Variants in DNAH14 observed in about 807,000 individuals in gnomAD.
DNAH14 encodes axonemal beta dynein heavy chain 14.
DNAH14 carries 478 observed loss-of-function variants against 520.9 expected under a neutral mutation model. The ratio of observed to expected loss-of-function variants is 0.92; its 90% confidence interval spans 0.85 to 0.99. The LOEUF is 0.99. Ranked by LOEUF, DNAH14 falls within the 50% of genes least tolerant of loss-of-function variation. DNAH14 has a pLI of 0.00. For missense variants in DNAH14, 4,831 were observed against 5,234.5 expected (o/e 0.92, Z 2.38); for synonymous variants, 1,581 against 1,757.2 (o/e 0.90, Z 2.51).
intron 36 of DNAH14, among the ~76,000 whole-genome samples, chr1:225,174,354 T>G (rs1364904691): frequency 1.3e-5 from 2 of 152,202 alleles, no homozygotes; most frequent in African/African-American, 2.4e-5. Flanking sequence ...CTGTTTACTT[T>G]CTTTAATAAG....
intron 36 of DNAH14, among the ~76,000 whole-genome samples, chr1:225,169,499 G>C (rs1312000097): frequency 6.6e-6 from 1 of 152,170 alleles, no homozygotes; most frequent in Admixed American, 6.5e-5. Flanking sequence ...TGTGACGCAT[G>C]CACAAGCTTC....
chr1:225,019,209 T>A, intron 10 of DNAH14, among the ~76,000 whole-genome samples: 2 of 149,892 alleles, frequency 1.3e-5, no homozygotes, highest in African/African-American at 4.9e-5. Context: ...AGACTCAAAG[T>A]AAAGGGTTAG....
chr1:225,334,881 T>C (rs1193134923), intron 66 of DNAH14, among the ~76,000 whole-genome samples: 5 of 91,052 alleles, frequency 5.5e-5, no homozygotes, highest in Non-Finnish European at 4.3e-5. Context: ...TCTCTACATA[T>C]ATATGTGTGT....
At chr1:225,130,481 A>G (rs904261703) in intron 27 of DNAH14, among the ~76,000 whole-genome samples, 4 of 152,220 alleles carry the variant, frequency 2.6e-5, no homozygotes, top group South Asian at 2.1e-4. Flanking sequence ...ATGGAATACT[A>G]TGCAGGCATA....
At chr1:225,250,805 T>C in intron 43 of DNAH14, 1 of 444,818 alleles carries the variant, frequency 2.2e-6, no homozygotes, top group Non-Finnish European at 4.2e-6. Flanking sequence ...CAAGTTCTGC[T>C]GAACAGGGCT....
chr1:225,138,900 C>A (rs1417826184), intron 27 of DNAH14, among the ~76,000 whole-genome samples: 1 of 152,132 alleles, frequency 6.6e-6, no homozygotes, highest in Admixed American at 6.6e-5. Flanking sequence ...AATTCACTTG[C>A]CCCTTTTAAT....
rs1395001307 is a variant in DNAH14, at chr1:225,123,575, A to G, written c.4215A>G (p.Gln1405=). The G allele has an allele frequency of 2.3e-6, 1 of 437,678 alleles. No homozygotes were observed. Among genetic ancestry groups the G allele is most frequent in the Non-Finnish European group, 4.8e-6 (1 of 209,372 alleles). 27.1% of individuals were successfully genotyped at this position (437,678 alleles called of 1,614,324 possible). Residue 1405 remains glutamine, a synonymous_variant, in exon 27 of 86, where the codon CAA becomes CAG. Transcript: ENST00000682510. ...ACTGGAACTGCCAGATGTTTTCCCA[A>G]TGGGTGTTATCTCATCCAGGACAAG... is the stretch of plus-strand genomic sequence containing the variant. ...IEDWNCQMFS[Q]WVLSHPGQVV... is the part of the protein sequence containing the mutation.
intron 38 of DNAH14, among the ~76,000 whole-genome samples, chr1:225,203,895 C>G (rs565834833): frequency 6.6e-6 from 1 of 152,098 alleles, no homozygotes; most frequent in African/African-American, 2.4e-5. Context: ...ATTCAAAGAA[C>G]TTTTGCTTTC....
intron 21 of DNAH14, among the ~76,000 whole-genome samples, chr1:225,094,818 C>CAA (rs140729760): frequency 0.053 from 4,789 of 91,024 alleles, 154 homozygotes; most frequent in Non-Finnish European, 0.099. Flanking sequence ...CATTTACAGG[C>CAA]AAAAAAAAAA....
intron 21 of DNAH14, among the ~76,000 whole-genome samples, chr1:225,093,482 T>C (rs115271645): frequency 0.033 from 5,006 of 152,222 alleles, 302 homozygotes; most frequent in African/African-American, 0.11. Context: ...GGAACATACT[T>C]CAAAATGATA....
intron 43 of DNAH14, chr1:225,250,698 G>T (rs1327055377): frequency 3.6e-6 from 2 of 551,768 alleles, no homozygotes. Context: ...CGGAGAAAGG[G>T]GAACTGTGGG....
chr1:225,130,780 C>T (rs1047054041), intron 27 of DNAH14, among the ~76,000 whole-genome samples: 1 of 150,192 alleles, frequency 6.7e-6, no homozygotes, highest in African/African-American at 2.4e-5. Flanking sequence ...TGTAACTAAC[C>T]TGCACATTGT....
At chr1:225,054,014 T>C (rs2148335123) in intron 17 of DNAH14, among the ~76,000 whole-genome samples, 1 of 152,180 alleles carries the variant, frequency 6.6e-6, no homozygotes, top group East Asian at 1.9e-4. Flanking sequence ...GGAGAATCAC[T>C]GAGAATCTGT....
At chr1:225,354,364 T>C (rs1460563918) in intron 73 of DNAH14, 2 of 654,246 alleles carry the variant, frequency 3.1e-6, no homozygotes, top group Non-Finnish European at 5.6e-6. Flanking sequence ...TTATTATTAA[T>C]AAAAGGATAT....
At chr1:225,155,400 A>G (rs1249230162) in intron 34 of DNAH14, among the ~76,000 whole-genome samples, 1 of 152,026 alleles carries the variant, frequency 6.6e-6, no homozygotes, top group Admixed American at 6.6e-5. Context: ...ATAATTATTT[A>G]TTTCTTAAAA....
At chr1:225,307,684 C>G in intron 59 of DNAH14, 115 bp downstream of exon 59, 1 of 767,900 alleles carries the variant, frequency 1.3e-6, no homozygotes, top group Non-Finnish European at 2.0e-6. Flanking sequence ...CTTTGTTACC[C>G]TATAGTTGTG....
chr1:225,250,798 G>C (rs2092513193), intron 43 of DNAH14: 1 of 452,080 alleles, frequency 2.2e-6, no homozygotes, highest in Non-Finnish European at 4.1e-6. Context: ...ATTTCAGCAA[G>C]TTCTGCTGAA....
intron 1 of DNAH14, among the ~76,000 whole-genome samples, chr1:224,932,227 A>G (rs2058741396): frequency 6.6e-6 from 1 of 151,842 alleles, no homozygotes; most frequent in African/African-American, 2.4e-5. Flanking sequence ...ATTTTTTTCA[A>G]ATACCTATTG....
rs1327257303 is a variant in DNAH14, at chr1:225,126,234, T to G, written c.4254+2620T>G. Reference sequence around the variant, plus strand: ...CACATACTATTGGAAAAAATGACACTGATAGACTTGCTCAATGCAGGGTTA... The same window carrying G: ...CACATACTATTGGAAAAAATGACACGGATAGACTTGCTCAATGCAGGGTTA... On this transcript the variant is annotated intron_variant, in intron 27 of 85. Coordinates refer to ENST00000682510, the MANE Select transcript of DNAH14 (RefSeq NM_001367479.1). Among the ~76,000 whole-genome samples, 5 of 152,130 alleles carry G rather than the reference T, an allele frequency of 3.3e-5. No homozygotes were observed. The East Asian group carries it at 9.6e-4, about 29-fold the overall frequency.
Sources: gnomAD v4.1 joint callset for allele counts (sites outside exome capture counted in the v4.1 genomes callset) on GRCh38, gnomAD v4.1.1 for gene constraint, MANE v1.5 for transcripts, NCBI Gene and HGNC (gene_info 2026-07-23, HGNC 2026-07-21) for gene names.